Variants in AP5M1 observed in about 807,000 individuals in gnomAD.
AP5M1 encodes AP-5 complex subunit mu-1.
In AP5M1, 44 loss-of-function variants were observed where a neutral mutation model predicts 52.3. That is an observed-to-expected ratio of 0.84 (90% CI 0.66 to 1.08). The LOEUF (loss-of-function observed/expected upper bound fraction) is 1.08. AP5M1 is among the 50% of genes least tolerant of loss of function. The pLI, the probability that AP5M1 is intolerant of heterozygous loss-of-function variation, is 0.00. For synonymous variants in AP5M1, 213 were observed against 199.0 expected, an observed-to-expected ratio of 1.07 and a Z score of -0.59; for missense variants, 526 against 568.4, an observed-to-expected ratio of 0.93 and a Z score of 0.76.
Position 57,282,195 on chromosome 14 carries a change from A to C in AP5M1, c.1055A>C (p.Glu352Ala), listed in dbSNP as rs900942111. Residue 352 changes from glutamate (E) to alanine (A), a missense_variant, in exon 4 of 8, where the codon GAA (glutamate) becomes GCA (alanine). Coordinates refer to ENST00000261558, the MANE Select transcript of AP5M1 (RefSeq NM_018229.4). ...KLHESVKNNF[E>A]FCEAHIPFYN... ...CATGAAAGTGTGAAAAATAATTTTG[A>C]ATTCTGTGAAGCCCATATACCTTTT... The C allele has an allele frequency of 2.5e-6, 4 of 1,572,906 alleles. No individual in the cohort carries two copies. The African/African-American group carries it at 5.5e-5, about 22-fold the overall frequency.
chr14:57,298,220 G>A lies in AP5M1; in HGVS notation c.*9336G>A, dbSNP rs937580436. On this transcript the variant is annotated 3_prime_UTR_variant, in exon 8 of 8. Coordinates refer to ENST00000261558, the MANE Select transcript of AP5M1 (RefSeq NM_018229.4). ...GGCATAATGAGACCTGATATGCTAT[G>A]ACTCTCCCTATCCTATAAAGCCACA... 2.6e-5 allele frequency: 4 copies of A among 152,154 alleles called. No individual in the cohort carries two copies. The highest frequency in any genetic ancestry group is 2.6e-4 in the Admixed American group (4 of 15,266). The allele number at this position is 152,154 out of a possible 1,614,324, so 9.4% of individuals were successfully genotyped here. A position where few individuals can be genotyped will look rare whatever the true frequency, so the allele number is the denominator to read the frequency against.
At chr14:57,285,322 T>C (rs1885280950) in intron 6 of AP5M1, among the ~76,000 whole-genome samples, 2 of 152,206 alleles carry the variant, frequency 1.3e-5, no homozygotes, top group South Asian at 4.1e-4. Context: ...CCTTCAAAAG[T>C]AGGAATTACG....
rs1650184864 is a variant in AP5M1, at chr14:57,297,449, G to A, written c.*8565G>A. The stretch of plus-strand genomic sequence containing the variant: ...TAATCTAACATTTGTATGCTAATGT[G>A]TCTTAGATTTACCAACTATCCTAAT... On this transcript the variant is annotated 3_prime_UTR_variant, in exon 8 of 8. Coordinates refer to ENST00000261558, the MANE Select transcript of AP5M1 (RefSeq NM_018229.4). 1 of 152,056 alleles carries A rather than the reference G, an allele frequency of 6.6e-6. No individual in the cohort carries two copies. Among genetic ancestry groups the A allele is most frequent in the Non-Finnish European group, 1.5e-5 (1 of 68,004 alleles). The allele number at this position is 152,056 out of a possible 1,614,324, so 9.4% of individuals were successfully genotyped here.
chr14:57,274,413 T>C lies in AP5M1; in HGVS notation c.244T>C (p.Ser82Pro). ...RDSCSRINKT[S>P]IYGLLIGGEE... Reference sequence around the variant, plus strand: ...TAGCTGTTCACGCATCAATAAAACATCCATTTATGGACTCCTGATAGGAGG... The same window carrying C: ...TAGCTGTTCACGCATCAATAAAACACCCATTTATGGACTCCTGATAGGAGG... Residue 82 changes from serine (S) to proline (P), a missense_variant, in exon 2 of 8, where the codon TCC becomes CCC. By Grantham distance (74) the Ser-to-Pro change is moderately conservative. This residue lies in a region of AP5M1 where 425 missense variants were observed against 430.6 expected (regional missense o/e 0.99). Coordinates refer to ENST00000261558, the MANE Select transcript of AP5M1 (RefSeq NM_018229.4). 1 of 1,614,160 alleles carries C rather than the reference T, an allele frequency of 6.2e-7. No homozygotes were observed. The highest frequency in any genetic ancestry group is 8.5e-7 in the Non-Finnish European group (1 of 1,180,020).
At position 57,269,455 on chromosome 14, in the gene AP5M1, G is replaced by C. The variant is rs554535090; in HGVS notation, c.74+67G>C. ...ATCGATGAAGTAGCATAGTTTTGTG[G>C]TGCTTCGTGGCCCAGGTTTGCCACG... On this transcript the variant is annotated intron_variant, in intron 1 of 7. Transcript: ENST00000261558. The C allele has an allele frequency of 9.7e-6, 15 of 1,541,876 alleles. No individual in the cohort carries two copies. In the South Asian group the frequency reaches 1.5e-4, roughly 15 times the overall value.
intron 1 of AP5M1, chr14:57,273,876 A>T (rs937911969): frequency 5.0e-6 from 3 of 603,222 alleles, no homozygotes; most frequent in Non-Finnish European, 8.8e-6. Flanking sequence ...TCAGAAGAAA[A>T]AAAATTCTTA....
rs768292607 is a variant in AP5M1, at chr14:57,288,005, C to G, written c.1391-797C>G. Among the ~76,000 whole-genome samples the G allele has an allele frequency of 3.0e-4, 45 of 152,038 alleles. 1 individual carries two copies. Among genetic ancestry groups the G allele is most frequent in the Non-Finnish European group, 5.0e-4 (34 of 67,978 alleles). ...ACTGCGAGTCAGATACTCAAGCATTCTGGCTCTGGAATCTGTCCACTTAAC... is the reference window on the plus strand; with the variant it reads ...ACTGCGAGTCAGATACTCAAGCATTGTGGCTCTGGAATCTGTCCACTTAAC... On this transcript the variant is annotated intron_variant, in intron 7 of 7. Transcript: ENST00000261558.
At position 57,275,742 on chromosome 14, in the gene AP5M1, T is replaced by C. The variant is rs1159823688; in HGVS notation, c.720+853T>C. 3.9e-5 allele frequency among the ~76,000 whole-genome samples: 6 copies of C among 152,338 alleles called. No homozygotes were observed. The South Asian group carries it at 8.3e-4, about 21-fold the overall frequency. On this transcript the variant is annotated intron_variant, in intron 2 of 7. Coordinates refer to ENST00000261558, the MANE Select transcript of AP5M1 (RefSeq NM_018229.4). ...CTAAAATCATGTTGAAGGGCTCTTA[T>C]TTAAACAAGTCGTTAGGTTAATATT... is the stretch of plus-strand genomic sequence containing the variant.
intron 3 of AP5M1, among the ~76,000 whole-genome samples, chr14:57,281,753 C>A (rs1361645272): frequency 6.6e-6 from 1 of 152,214 alleles, no homozygotes; most frequent in Non-Finnish European, 1.5e-5. Context: ...TCATGGGATT[C>A]AATTGGAGCA....
rs1468409912 is a variant in AP5M1 at position 57,290,536 on chromosome 14, T to G, written c.*1652T>G. On this transcript the variant is annotated 3_prime_UTR_variant, in exon 8 of 8. Transcript: ENST00000261558. ...AATACACTAAGGTAAGCAAGAGGCA[T>G]TTATCTAGTGAGTAGGCAAAGATTT... The G allele has an allele frequency of 1.3e-5, 2 of 151,948 alleles. No individual in the cohort carries two copies. Among genetic ancestry groups the G allele is most frequent in the Non-Finnish European group, 2.9e-5 (2 of 67,902 alleles). 9.4% of individuals were successfully genotyped at this position (151,948 alleles called of 1,614,324 possible). A position where few individuals can be genotyped will look rare whatever the true frequency, so the allele number is the denominator to read the frequency against.
At position 57,280,176 on chromosome 14, in the gene AP5M1, CTT is replaced by C; in HGVS notation, c.721-17_721-16del. On this transcript the variant is annotated splice_polypyrimidine_tract_variant and intron_variant, in intron 2 of 7. Coordinates refer to ENST00000261558, the MANE Select transcript of AP5M1 (RefSeq NM_018229.4). ...TTGCTTCTGAGATTTTGGTGATAAT[CTT>C]TCTGTTTGCATTTCAGTGTGATTTG... 2.5e-6 allele frequency: 4 copies of C among 1,574,110 alleles called. No individual in the cohort carries two copies. The highest frequency in any genetic ancestry group is 3.5e-6 in the Non-Finnish European group (4 of 1,144,122).
At chr14:57,288,168 T>C (rs913944193) in intron 7 of AP5M1, among the ~76,000 whole-genome samples, 1 of 151,764 alleles carries the variant, frequency 6.6e-6, no homozygotes, top group Non-Finnish European at 1.5e-5. Context: ...TGGATAATTA[T>C]ATTTAATTGG....
At chr14:57,276,609 G>GTT (rs34911527) in intron 2 of AP5M1, among the ~76,000 whole-genome samples, 16 of 128,424 alleles carry the variant, frequency 1.2e-4, no homozygotes, top group East Asian at 7.0e-4. Flanking sequence ...CACCAATTCT[G>GTT]TTTTTTTTTT....
At chr14:57,282,708 TTGTC>T (rs1274840044) in intron 4 of AP5M1, among the ~76,000 whole-genome samples, 1 of 152,218 alleles carries the variant, frequency 6.6e-6, no homozygotes, top group Non-Finnish European at 1.5e-5. Context: ...GATTTCATAG[TTGTC>T]TTAAGGATTA....
intron 7 of AP5M1, among the ~76,000 whole-genome samples, chr14:57,286,996 TACACACAC>T (rs58786398): frequency 3.7e-3 from 526 of 140,498 alleles, no homozygotes; most frequent in African/African-American, 0.011. Context: ...CACACACACA[TACACACAC>T]ACACACACAC....
chr14:57,283,136 A>C lies in AP5M1; in HGVS notation c.1199A>C (p.Glu400Ala), dbSNP rs114975440. The change falls in exon 6 of 8, where the codon GAA becomes GCA. Residue 400 changes from glutamate to alanine, a missense_variant. This residue lies in a region of AP5M1 where 97 missense variants were observed against 121.3 expected (regional missense o/e 0.80). Coordinates refer to ENST00000261558, the MANE Select transcript of AP5M1 (RefSeq NM_018229.4). ...IIGQKFPKSMEISLSGTVTFG... is the reference protein window; with the variant it reads ...IIGQKFPKSMAISLSGTVTFG... ...GGCCAGAAGTTCCCAAAATCAATGG[A>C]AATTAGTCTTTCTGGAACTGTAACT... The C allele has an allele frequency of 3.5e-5, 57 of 1,613,158 alleles. No homozygotes were observed. In the East Asian group the frequency reaches 9.6e-4, roughly 27 times the overall value.
rs34911527 is a variant in AP5M1 at position 57,276,609 on chromosome 14, GTT to G, written c.720+1735_720+1736del. Among the ~76,000 whole-genome samples, 868 of 128,412 alleles carry G rather than the reference GTT, an allele frequency of 6.8e-3. 9 individuals are homozygous for G. The highest frequency in any genetic ancestry group is 0.021 in the African/African-American group (777 of 36,200). The allele number at this position is 128,412 out of a possible 152,430, so 84.2% of individuals were successfully genotyped here. ...GAAAATAGGAAAATTCACCAATTCT[GTT>G]TTTTTTTTTTTTTTCATTCTGTAGC... On this transcript the variant is annotated intron_variant, in intron 2 of 7. Coordinates refer to ENST00000261558, the MANE Select transcript of AP5M1 (RefSeq NM_018229.4).
Position 57,269,422 on chromosome 14 carries a change from A to G in AP5M1, c.74+34A>G, listed in dbSNP as rs918277117. 3 of 1,604,142 alleles carry G rather than the reference A, an allele frequency of 1.9e-6. No individual in the cohort carries two copies. The Middle Eastern group carries it at 5.0e-4, about 265-fold the overall frequency. On this transcript the variant is annotated intron_variant, in intron 1 of 7. Transcript: ENST00000261558. ...AAATCTGAATCCTCAGGGATGATGG[A>G]TCAGAAGATCGATGAAGTAGCATAG...
intron 1 of AP5M1, among the ~76,000 whole-genome samples, chr14:57,269,962 C>G (rs983803987): frequency 6.6e-6 from 1 of 152,174 alleles, no homozygotes; most frequent in African/African-American, 2.4e-5. Context: ...GCACCCGCCA[C>G]CACGCCCGGC....
Sources: allele counts gnomAD v4.1 joint callset (sites outside exome capture counted in the v4.1 genomes callset), GRCh38; gene constraint gnomAD v4.1.1; regional missense constraint gnomAD v4.1.1; transcripts MANE v1.5; gene names NCBI Gene and HGNC (gene_info 2026-07-23, HGNC 2026-07-21).